Variants in ACSL1 observed in about 807,000 individuals in gnomAD.
ACSL1 encodes the protein acyl-CoA synthetase long chain family member 1.
A neutral mutation model predicts 98.4 loss-of-function variants in ACSL1; 41 were observed. The ratio of observed to expected loss-of-function variants is 0.42; its 90% CI spans 0.32 to 0.54. The LOEUF (loss-of-function observed/expected upper bound fraction) is 0.54. Ranked by LOEUF, ACSL1 falls within the 20% of genes least tolerant of loss-of-function variation. The pLI is 0.13. For synonymous variants in ACSL1, 316 were observed against 322.7 expected, an observed-to-expected ratio of 0.98 and a Z score of 0.22; for missense variants, 734 against 883.1, an observed-to-expected ratio of 0.83 and a Z score of 2.14.
At chr4:184,761,393 A>G (rs1289657043) in intron 17 of ACSL1, among the ~76,000 whole-genome samples, 1 of 152,256 alleles carries the variant, frequency 6.6e-6, no homozygotes, top group Non-Finnish European at 1.5e-5. Flanking sequence ...CCTAAAATCT[A>G]CAAGAATCTG....
intron 3 of ACSL1, among the ~76,000 whole-genome samples, chr4:184,786,848 C>A (rs1473700478): frequency 2.0e-5 from 3 of 152,160 alleles, no homozygotes; most frequent in Admixed American, 1.3e-4. Flanking sequence ...CATGCACCAC[C>A]ATGCCCAGCT....
intron 2 of ACSL1, 106 bp from the exon 3 acceptor site, chr4:184,788,837 C>T (rs1005454615): frequency 8.5e-6 from 7 of 822,966 alleles, no homozygotes; most frequent in Non-Finnish European, 1.4e-5. Flanking sequence ...ACATTCTTGT[C>T]ACTTATCTGT....
At chr4:184,784,519 A>AC (rs1420407360) in intron 3 of ACSL1, among the ~76,000 whole-genome samples, 1 of 152,226 alleles carries the variant, frequency 6.6e-6, no homozygotes, top group Non-Finnish European at 1.5e-5. Flanking sequence ...TTGCAGAAAA[A>AC]CAAAAACAAA....
intron 2 of ACSL1, among the ~76,000 whole-genome samples, chr4:184,790,845 A>C (rs189822284): frequency 3.0e-4 from 45 of 148,580 alleles, no homozygotes; most frequent in Non-Finnish European, 5.0e-4. Flanking sequence ...TGACTCCAAC[A>C]AATAGCCTGA....
intron 1 of ACSL1, among the ~76,000 whole-genome samples, chr4:184,819,422 C>T (rs1772886559): frequency 6.6e-6 from 1 of 152,016 alleles, no homozygotes; most frequent in Non-Finnish European, 1.5e-5. Context: ...AGATTACAGG[C>T]GTGAGCTACC....
intron 17 of ACSL1, among the ~76,000 whole-genome samples, chr4:184,762,131 C>CA (rs375024812): frequency 0.1 from 13,213 of 130,994 alleles, 699 homozygotes; most frequent in Middle Eastern, 0.15. Flanking sequence ...GATTCCGTCT[C>CA]AAAAAAAAAA....
At chr4:184,801,399 G>T (rs1770492638) in intron 2 of ACSL1, among the ~76,000 whole-genome samples, 1 of 152,134 alleles carries the variant, frequency 6.6e-6, no homozygotes, top group African/African-American at 2.4e-5. Flanking sequence ...GGCAAACCCT[G>T]CTTACTTGTT....
At chr4:184,781,974 T>C (rs1766347936) in intron 4 of ACSL1, among the ~76,000 whole-genome samples, 1 of 152,138 alleles carries the variant, frequency 6.6e-6, no homozygotes, top group Non-Finnish European at 1.5e-5. Context: ...AGCACACCCA[T>C]ACCCATAGGA....
intron 14 of ACSL1, 94 bp downstream of exon 14, chr4:184,765,797 A>G: frequency 1.1e-6 from 1 of 919,650 alleles, no homozygotes; most frequent in Admixed American, 2.7e-5. Flanking sequence ...AAGAAAGAAC[A>G]CACACACACA....
intron 1 of ACSL1, among the ~76,000 whole-genome samples, chr4:184,821,686 G>T (rs1306803302): frequency 6.6e-6 from 1 of 152,142 alleles, no homozygotes. Flanking sequence ...AAACTGTTCT[G>T]AAAAATATCC....
At chr4:184,796,148 T>C (rs72695661) in intron 2 of ACSL1, among the ~76,000 whole-genome samples, 15,388 of 152,208 alleles carry the variant, frequency 0.1, 951 homozygotes, top group Non-Finnish European at 0.14. Context: ...GCAGAGGAAT[T>C]TGAAAAGACT....
intron 4 of ACSL1, 106 bp downstream of exon 4, chr4:184,783,821 G>C: frequency 1.9e-6 from 2 of 1,045,680 alleles, no homozygotes; most frequent in South Asian, 2.6e-5. Context: ...CTCTGAGCTG[G>C]TCCAGCACAT....
At chr4:184,786,125 C>G (rs1173149464) in intron 3 of ACSL1, among the ~76,000 whole-genome samples, 1 of 152,136 alleles carries the variant, frequency 6.6e-6, no homozygotes, top group Non-Finnish European at 1.5e-5. Flanking sequence ...CAGCCGCCCA[C>G]GACCCTTAAC....
At chr4:184,814,532 G>A (rs1280022194) in intron 1 of ACSL1, among the ~76,000 whole-genome samples, 2 of 152,070 alleles carry the variant, frequency 1.3e-5, no homozygotes, top group Non-Finnish European at 2.9e-5. Flanking sequence ...GCGAGTCTAT[G>A]GGTGTTTTTA....
chr4:184,818,819 C>A (rs921571016), intron 1 of ACSL1, among the ~76,000 whole-genome samples: 1 of 152,122 alleles, frequency 6.6e-6, no homozygotes, highest in Non-Finnish European at 1.5e-5. Context: ...TACGGCCAGA[C>A]ACCAACCAGC....
intron 7 of ACSL1, among the ~76,000 whole-genome samples, 194 bp downstream of exon 7, chr4:184,776,290 G>A (rs578222582): frequency 5.3e-5 from 8 of 152,360 alleles, no homozygotes; most frequent in Admixed American, 5.2e-4. Context: ...GGTGTGAGGT[G>A]TTAACACTGG....
intron 2 of ACSL1, among the ~76,000 whole-genome samples, chr4:184,802,365 G>T (rs1458876465): frequency 6.6e-6 from 1 of 152,130 alleles, no homozygotes; most frequent in Non-Finnish European, 1.5e-5. Flanking sequence ...AGTCAGCCCG[G>T]GGGGGTGGGG....
At chr4:184,780,546 G>A (rs568391092) in intron 4 of ACSL1, 113 bp from the exon 5 acceptor site, 8 of 682,488 alleles carry the variant, frequency 1.2e-5, no homozygotes, top group East Asian at 5.2e-5. Context: ...ACACAGAAAC[G>A]GAGAGGGAAC....
intron 3 of ACSL1, among the ~76,000 whole-genome samples, chr4:184,787,344 G>C (rs1010969750): frequency 6.6e-6 from 1 of 152,230 alleles, no homozygotes; most frequent in Non-Finnish European, 1.5e-5. Flanking sequence ...GCTCGGGCTA[G>C]GGGGGCAGAA....
Sources: gnomAD v4.1 joint callset for allele counts (sites outside exome capture counted in the v4.1 genomes callset) on GRCh38, gnomAD v4.1.1 for gene constraint, MANE v1.5 for transcripts, NCBI Gene and HGNC (gene_info 2026-07-23, HGNC 2026-07-21) for gene names.